ABLIM1: variants seen among roughly 807,000 people sequenced by gnomAD.
The protein encoded by ABLIM1 is actin binding LIM protein 1.
In ABLIM1, 40 loss-of-function variants were observed where a neutral mutation model predicts 107.0. The observed-to-expected ratio is 0.37, with a 90% CI of 0.29 to 0.49. ABLIM1 has a LOEUF of 0.49. Ranked by LOEUF, ABLIM1 falls within the 20% of genes least tolerant of loss-of-function variation. The pLI is 0.97. For synonymous variants in ABLIM1, 357 were observed against 357.3 expected, an observed-to-expected ratio of 1.00 and a Z score of 0.01; for missense variants, 857 against 1,008.5, an observed-to-expected ratio of 0.85 and a Z score of 2.04.
intron 1 of ABLIM1, among the ~76,000 whole-genome samples, chr10:114,664,465 T>C (rs1591774865): frequency 6.6e-6 from 1 of 152,336 alleles, no homozygotes; most frequent in East Asian, 1.9e-4. Flanking sequence ...GGCTTAGAGT[T>C]TGGGGATATG....
At chr10:114,735,072 C>A (rs771121918) in intron 1 of ABLIM1, among the ~76,000 whole-genome samples, 1 of 152,208 alleles carries the variant, frequency 6.6e-6, no homozygotes, top group Middle Eastern at 3.4e-3. Flanking sequence ...GTACAAAATG[C>A]AATTCTAGGC....
At chr10:114,790,290 T>C in the ABLIM1 span, among the ~76,000 whole-genome samples, 1 of 151,358 alleles carries the variant, frequency 6.6e-6, no homozygotes, top group Non-Finnish European at 1.5e-5. Context: ...TTAAAGTGAA[T>C]GTCAAAATTA....
chr10:114,624,795 G>C (rs2077685139), intron 1 of ABLIM1, among the ~76,000 whole-genome samples: 1 of 150,694 alleles, frequency 6.6e-6, no homozygotes, highest in South Asian at 2.1e-4. Context: ...TTAAACATGT[G>C]AAATCCTTTC....
chr10:114,637,178 T>C (rs1386704030), intron 1 of ABLIM1, among the ~76,000 whole-genome samples: 1 of 151,764 alleles, frequency 6.6e-6, no homozygotes, highest in Admixed American at 6.6e-5. Flanking sequence ...GAGGCCTGAG[T>C]GGCAGTCAGC....
chr10:114,620,628 T>G (rs1434542352), intron 1 of ABLIM1, among the ~76,000 whole-genome samples: 1 of 152,100 alleles, frequency 6.6e-6, no homozygotes, highest in Non-Finnish European at 1.5e-5. Flanking sequence ...CCCAGGCTGG[T>G]CTTGAACTCC....
intron 1 of ABLIM1, among the ~76,000 whole-genome samples, chr10:114,602,793 T>G (rs2076121137): frequency 6.6e-6 from 1 of 152,206 alleles, no homozygotes; most frequent in Non-Finnish European, 1.5e-5. Context: ...AAAAGAATAC[T>G]CTTAGTTTCC....
intron 1 of ABLIM1, among the ~76,000 whole-genome samples, chr10:114,702,470 T>G (rs982359479): frequency 2.0e-5 from 3 of 152,102 alleles, no homozygotes; most frequent in Admixed American, 6.5e-5. Flanking sequence ...TTGTTTCTTG[T>G]CATTAATCAC....
intron 1 of ABLIM1, among the ~76,000 whole-genome samples, chr10:114,614,599 A>C (rs2077010188): frequency 6.6e-6 from 1 of 152,210 alleles, no homozygotes; most frequent in Non-Finnish European, 1.5e-5. Flanking sequence ...TGCCCCACTC[A>C]CAAGGGAGTT....
At chr10:114,642,621 A>G (rs546828097) in intron 1 of ABLIM1, among the ~76,000 whole-genome samples, 3 of 152,332 alleles carry the variant, frequency 2.0e-5, no homozygotes, top group African/African-American at 7.2e-5. Context: ...AAGCAGATGT[A>G]TTCAAAGATT....
chr10:114,726,262 G>C (rs1048823186), intron 1 of ABLIM1, among the ~76,000 whole-genome samples: 2 of 152,118 alleles, frequency 1.3e-5, no homozygotes, highest in Non-Finnish European at 2.9e-5. Flanking sequence ...TAGGCAAAAA[G>C]GTTTTGTGAG....
At chr10:114,485,186 C>A in intron 8 of ABLIM1, 1 of 744,292 alleles carries the variant, frequency 1.3e-6, no homozygotes, top group Non-Finnish European at 2.0e-6. Context: ...AAAGCATCTG[C>A]TTTCTGCAGG....
chr10:114,554,260 A>C (rs1182300220), intron 4 of ABLIM1, among the ~76,000 whole-genome samples: 1 of 152,222 alleles, frequency 6.6e-6, no homozygotes, highest in Non-Finnish European at 1.5e-5. Context: ...GAGATAAGAA[A>C]GACCAGCCTC....
At chr10:114,789,669 T>G in the ABLIM1 span, among the ~76,000 whole-genome samples, 1 of 152,248 alleles carries the variant, frequency 6.6e-6, no homozygotes, top group Non-Finnish European at 1.5e-5. Context: ...ATTGCTCCAA[T>G]GATTAGTGAT....
At chr10:114,454,773 G>A (rs1475449065) in intron 12 of ABLIM1, among the ~76,000 whole-genome samples, 2 of 152,128 alleles carry the variant, frequency 1.3e-5, no homozygotes, top group African/African-American at 4.8e-5. Context: ...GAAGATGCAG[G>A]ACTATTAAAG....
chr10:114,600,325 G>A (rs992728677), intron 2 of ABLIM1, among the ~76,000 whole-genome samples: 1 of 152,192 alleles, frequency 6.6e-6, no homozygotes, highest in African/African-American at 2.4e-5. Flanking sequence ...TAATCCCTCT[G>A]AGATGTGGAC....
At position 114,608,081 on chromosome 10, in the gene ABLIM1, T is replaced by C. The variant is rs59355425; in HGVS notation, c.245-6120A>G. ...AATGGTTTTAAGAAAATAAAGCTTA[T>C]AGGCCGGGCACCTTGGCTCATGCCT... is the stretch of plus-strand genomic sequence containing the variant. On this transcript the variant is annotated intron_variant, in intron 1 of 22. Transcript: ENST00000533213. Among the ~76,000 whole-genome samples the C allele has an allele frequency of 2.2e-3, 338 of 152,316 alleles. 1 individual carries two copies. Among genetic ancestry groups the C allele is most frequent in the African/African-American group, 7.8e-3 (325 of 41,586 alleles).
At chr10:114,732,180 C>CTTTTCT (rs1485801602) in intron 1 of ABLIM1, among the ~76,000 whole-genome samples, 49 of 109,876 alleles carry the variant, frequency 4.5e-4, no homozygotes, top group African/African-American at 1.4e-3. Flanking sequence ...CTTTTCTTTT[C>CTTTTCT]TTTTTTTTTT....
At chr10:114,581,283 A>C (rs2073343441) in intron 2 of ABLIM1, among the ~76,000 whole-genome samples, 1 of 152,210 alleles carries the variant, frequency 6.6e-6, no homozygotes, top group Non-Finnish European at 1.5e-5. Flanking sequence ...AAGGGTGAAA[A>C]CAGAACAGTA....
chr10:114,788,042 G>A, the ABLIM1 span, among the ~76,000 whole-genome samples: 6 of 149,078 alleles, frequency 4.0e-5, no homozygotes, highest in Non-Finnish European at 8.9e-5. Flanking sequence ...CCAACCCTGT[G>A]CTCTCTGAAA....
Sources: gnomAD v4.1 joint callset for allele counts (sites outside exome capture counted in the v4.1 genomes callset) on GRCh38, gnomAD v4.1.1 for gene constraint, MANE v1.5 for transcripts, NCBI Gene and HGNC (gene_info 2026-07-23, HGNC 2026-07-21) for gene names.